Variants in C3orf20 observed in about 807,000 individuals in gnomAD.
C3orf20 encodes the protein family with sequence similarity 149 member C, also known as uncharacterized protein C3orf20.
A neutral mutation model predicts 88.3 loss-of-function variants in C3orf20; 76 were observed. The observed-to-expected ratio is 0.86, with a 90% CI of 0.72 to 1.04. C3orf20 has a LOEUF of 1.04. Among genes scored for constraint, C3orf20 ranks in the 50% least tolerant of loss-of-function variants. The pLI is 0.00. For missense variants in C3orf20, 1,056 were observed against 1,123.3 expected (o/e 0.94, Z 0.86); for synonymous variants, 436 against 437.4 (o/e 1.00, Z 0.04).
chr3:14,764,507 A>ATTATTATTATTATTATTG (rs1286567408), intron 15 of C3orf20, among the ~76,000 whole-genome samples: 3 of 132,758 alleles, frequency 2.3e-5, no homozygotes, highest in East Asian at 2.6e-4. Flanking sequence ...TATTATTATT[A>ATTATTATTATTATTATTG]TTGTTGTTGT....
chr3:14,704,656 A>C, intron 7 of C3orf20, 38 bp downstream of exon 7: 1 of 1,599,288 alleles, frequency 6.3e-7, no homozygotes, highest in Non-Finnish European at 8.5e-7. Context: ...CTCCCCAGCT[A>C]CTCAACCCCA....
chr3:14,766,323 C>T (rs1424707296), intron 15 of C3orf20, among the ~76,000 whole-genome samples: 2 of 152,186 alleles, frequency 1.3e-5, no homozygotes, highest in East Asian at 3.9e-4. Flanking sequence ...ACCGGAGAGG[C>T]CAAGAGCTCA....
chr3:14,675,687 T>C (rs1383011512), intron 1 of C3orf20, among the ~76,000 whole-genome samples: 1 of 73,312 alleles, frequency 1.4e-5, no homozygotes, highest in East Asian at 3.2e-4. Context: ...TTCTTTTGTT[T>C]TTGTTATTTA....
rs2033245286 is a variant in C3orf20, at chr3:14,701,141, G to A, written c.746-1989G>A. Among the ~76,000 whole-genome samples, 1 of 152,166 alleles carries A rather than the reference G, an allele frequency of 6.6e-6. No homozygotes were observed. The highest frequency in any genetic ancestry group is 6.5e-5 in the Admixed American group (1 of 15,286). On this transcript the variant is annotated intron_variant, in intron 5 of 16. Coordinates refer to ENST00000253697, the MANE Select transcript of C3orf20 (RefSeq NM_032137.5). This position sits in a 1 kb window ranked among gnomAD's most constrained non-coding sequence, Gnocchi z 4.6. ...CTGCTAGCAGGTCGCTGGACCTCAG[G>A]CCCTAGGCTTGAGTTCAGGGTTCAG... is the stretch of plus-strand genomic sequence containing the variant.
intron 6 of C3orf20, 81 bp from the exon 7 acceptor site, chr3:14,704,256 C>T: frequency 7.0e-7 from 1 of 1,427,682 alleles, no homozygotes; most frequent in Non-Finnish European, 9.7e-7. Flanking sequence ...GGGTCTTGGG[C>T]ACTAAGGAGG....
intron 4 of C3orf20, among the ~76,000 whole-genome samples, chr3:14,686,103 G>T (rs533562802): frequency 3.9e-5 from 6 of 152,020 alleles, no homozygotes; most frequent in Non-Finnish European, 7.4e-5. Flanking sequence ...CTTGTGATCC[G>T]TCTGCCTTGG....
In C3orf20 at chr3:14,772,714, T is replaced by A. The variant is rs930486253; in HGVS notation, c.2631-77T>A. ...GCAAGGGAGAGGGCCTTGCCCCTCC[T>A]GGCCCAACCGGGCCTGGGCTCTGGG... On this transcript the variant is annotated intron_variant, in intron 16 of 16. Transcript: ENST00000253697. The surrounding 1 kb of genome is among the most constrained non-coding windows in gnomAD (Gnocchi z 4.2). 3.2e-6 allele frequency: 4 copies of A among 1,234,088 alleles called. No homozygotes were observed. Among genetic ancestry groups the A allele is most frequent in the Non-Finnish European group, 4.7e-6 (4 of 844,098 alleles). 76.4% of individuals were successfully genotyped at this position (1,234,088 alleles called of 1,614,324 possible).
intron 15 of C3orf20, among the ~76,000 whole-genome samples, chr3:14,766,058 G>C (rs1317667711): frequency 6.6e-6 from 1 of 152,168 alleles, no homozygotes. Flanking sequence ...CCAGTGGGCT[G>C]CACCAAGATA....
At chr3:14,766,517 C>T (rs895855238) in intron 15 of C3orf20, among the ~76,000 whole-genome samples, 3 of 152,228 alleles carry the variant, frequency 2.0e-5, no homozygotes, top group South Asian at 2.1e-4. Flanking sequence ...CACCTGCACA[C>T]GACAGTCACT....
In C3orf20 at chr3:14,683,208, G is replaced by A; in HGVS notation, c.484+11G>A. 1 of 1,555,868 alleles carries A rather than the reference G, an allele frequency of 6.4e-7. No homozygotes were observed. The highest frequency in any genetic ancestry group is 1.2e-5 in the South Asian group (1 of 81,112). ...TGGAGTCTATGTCGGGTAAGGCCCA[G>A]ATGTTTGTGTATGTGCCCACCACAC... On this transcript the variant is annotated intron_variant, in intron 3 of 16. Coordinates refer to ENST00000253697, the MANE Select transcript of C3orf20 (RefSeq NM_032137.5).
chr3:14,704,243 T>C (rs2033401532), intron 6 of C3orf20, 94 bp from the exon 7 acceptor site: 3 of 1,294,176 alleles, frequency 2.3e-6, no homozygotes, highest in East Asian at 2.3e-5. Context: ...GGGAATGGGA[T>C]AGGGGTCTTG....
intron 3 of C3orf20, 129 bp downstream of exon 3, chr3:14,683,326 C>T: frequency 8.5e-7 from 1 of 1,183,330 alleles, no homozygotes; most frequent in Non-Finnish European, 1.2e-6. Flanking sequence ...TCTGCGGCTC[C>T]TGGAATCATC....
At chr3:14,681,954 A>C (rs569533124) in intron 1 of C3orf20, among the ~76,000 whole-genome samples, 31 of 152,228 alleles carry the variant, frequency 2.0e-4, no homozygotes, top group Non-Finnish European at 3.2e-4. Context: ...AAAAATATTT[A>C]TTATAGTCCA....
chr3:14,721,637 G>A lies in C3orf20; in HGVS notation c.1435-16G>A. 1.9e-6 allele frequency: 3 copies of A among 1,613,700 alleles called. No individual in the cohort carries two copies. Among genetic ancestry groups the A allele is most frequent in the Non-Finnish European group, 2.5e-6 (3 of 1,179,762 alleles). On this transcript the variant is annotated splice_polypyrimidine_tract_variant and intron_variant, in intron 9 of 16. Transcript: ENST00000253697. ...TTGAAGCAGGGATTCTCTGAGTACT[G>A]TTTCTTCATCTACAGGTGAATGAGG...
chr3:14,702,348 G>A (rs2033306124), intron 5 of C3orf20, among the ~76,000 whole-genome samples: 1 of 152,024 alleles, frequency 6.6e-6, no homozygotes, highest in Admixed American at 6.6e-5. Flanking sequence ...GGGAATTCTG[G>A]GAGGTGCAAT....
chr3:14,772,820 C>G lies in C3orf20; in HGVS notation c.2660C>G (p.Pro887Arg). The change falls in exon 17 of 17, where the codon CCT becomes CGT. Residue 887 changes from proline to arginine, a missense_variant. By Grantham distance (103) the Pro-to-Arg change is moderately radical. Coordinates refer to ENST00000253697, the MANE Select transcript of C3orf20 (RefSeq NM_032137.5). This position sits in a 1 kb window ranked among gnomAD's most constrained non-coding sequence, Gnocchi z 4.2. The stretch of plus-strand genomic sequence containing the variant: ...AGAGAGCCTGAAGTGGAGCTACATC[C>G]TCTCAGCAGGGACAGCAAGATAACT... ...KTREPEVELH[P>R]LSRDSKITSW... 1 of 1,614,054 alleles carries G rather than the reference C, an allele frequency of 6.2e-7. No homozygotes were observed. Among genetic ancestry groups the G allele is most frequent in the South Asian group, 1.1e-5 (1 of 91,082 alleles).
At chr3:14,700,862 A>G (rs1044312229) in intron 5 of C3orf20, among the ~76,000 whole-genome samples, 4 of 152,244 alleles carry the variant, frequency 2.6e-5, no homozygotes, top group African/African-American at 9.6e-5. Context: ...TCCACCATCC[A>G]TTCCATGTCC....
intron 10 of C3orf20, 129 bp downstream of exon 10, chr3:14,721,913 T>G (rs752948512): frequency 2.5e-6 from 3 of 1,208,260 alleles, no homozygotes; most frequent in Middle Eastern, 2.7e-4. Flanking sequence ...CCTTTTCCTC[T>G]GCCATTATTC....
At chr3:14,708,244 T>C (rs1021307514) in intron 7 of C3orf20, among the ~76,000 whole-genome samples, 3 of 152,240 alleles carry the variant, frequency 2.0e-5, no homozygotes, top group Non-Finnish European at 2.9e-5. Context: ...TGTGGATAGC[T>C]AATTGTCCCA....
Sources: allele counts gnomAD v4.1 joint callset (sites outside exome capture counted in the v4.1 genomes callset), GRCh38; gene constraint gnomAD v4.1.1; non-coding constraint Gnocchi (gnomAD v3.1); transcripts MANE v1.5; gene names NCBI Gene and HGNC (gene_info 2026-07-23, HGNC 2026-07-21).